ZEB1: variants seen among roughly 807,000 people sequenced by gnomAD.
The protein encoded by ZEB1 is zinc finger E-box binding homeobox 1.
In ZEB1, 21 loss-of-function variants were observed where a neutral mutation model predicts 84.9. That is an observed-to-expected ratio of 0.25 (90% confidence interval 0.18 to 0.36). The LOEUF is 0.36. Ranked by LOEUF, ZEB1 falls within the 10% of genes least tolerant of loss-of-function variation. ZEB1 has a pLI of 1.00. For synonymous variants in ZEB1, 420 were observed against 471.1 expected (o/e 0.89, Z 1.41); for missense variants, 1,104 against 1,330.2 (o/e 0.83, Z 2.65).
At chr10:31,326,684 T>C (rs1215392753) in intron 1 of ZEB1, among the ~76,000 whole-genome samples, 1 of 152,200 alleles carries the variant, frequency 6.6e-6, no homozygotes, top group African/African-American at 2.4e-5. Context: ...AGCATATTTA[T>C]CTAAGACGGT....
At chr10:31,397,007 TTTA>T (rs1161058902) in intron 1 of ZEB1, among the ~76,000 whole-genome samples, 5 of 150,182 alleles carry the variant, frequency 3.3e-5, no homozygotes, top group East Asian at 3.9e-4. Flanking sequence ...TTTTTTATTT[TTTA>T]TTATTATTAT....
At chr10:31,469,101 A>G (rs916484036) in intron 2 of ZEB1, among the ~76,000 whole-genome samples, 1 of 152,234 alleles carries the variant, frequency 6.6e-6, no homozygotes, top group Admixed American at 6.5e-5. Context: ...AAAATGATAA[A>G]TTTGCTGAAG....
intron 1 of ZEB1, among the ~76,000 whole-genome samples, chr10:31,392,098 C>A (rs536017098): frequency 2.0e-5 from 3 of 152,040 alleles, no homozygotes; most frequent in African/African-American, 4.8e-5. Context: ...CTTGAAAATA[C>A]CAGCCTAAAT....
intron 1 of ZEB1, among the ~76,000 whole-genome samples, chr10:31,433,195 T>G (rs2057928710): frequency 6.6e-6 from 1 of 152,242 alleles, no homozygotes; most frequent in East Asian, 1.9e-4. Flanking sequence ...CATTAGTTAT[T>G]TGGAAGATAT....
At chr10:31,406,404 T>A (rs1386331477) in intron 1 of ZEB1, among the ~76,000 whole-genome samples, 1 of 152,166 alleles carries the variant, frequency 6.6e-6, no homozygotes, top group Non-Finnish European at 1.5e-5. Flanking sequence ...CATGATGATA[T>A]CTCATTGTGG....
At chr10:31,470,207 G>A (rs2063029911) in intron 2 of ZEB1, among the ~76,000 whole-genome samples, 1 of 152,202 alleles carries the variant, frequency 6.6e-6, no homozygotes. Flanking sequence ...AACAAAGCTG[G>A]ACGGAGAACG....
intron 1 of ZEB1, among the ~76,000 whole-genome samples, chr10:31,340,159 A>T (rs1334769138): frequency 6.6e-6 from 1 of 151,760 alleles, no homozygotes; most frequent in Non-Finnish European, 1.5e-5. Context: ...TTCATATTAA[A>T]TTTTTTCTTT....
intron 1 of ZEB1, among the ~76,000 whole-genome samples, chr10:31,380,214 G>GA (rs974539567): frequency 1.3e-5 from 2 of 150,296 alleles, no homozygotes; most frequent in African/African-American, 4.9e-5. Context: ...ATGTGTTAAT[G>GA]AAAAAACTGG....
intron 4 of ZEB1, among the ~76,000 whole-genome samples, chr10:31,509,355 ACTTACT>A (rs2069564357): frequency 6.6e-6 from 1 of 152,078 alleles, no homozygotes; most frequent in Non-Finnish European, 1.5e-5. Flanking sequence ...GGGGTCTCTC[ACTTACT>A]CTTTCCCTGC....
At chr10:31,412,383 ATATCTCCTGATGC>A (rs1433178855) in intron 1 of ZEB1, among the ~76,000 whole-genome samples, 1 of 152,140 alleles carries the variant, frequency 6.6e-6, no homozygotes, top group Non-Finnish European at 1.5e-5. Context: ...TACATTAGGT[ATATCTCCTGATGC>A]TATCCCTCCC....
chr10:31,460,492 CTCTTT>C (rs981390676), intron 1 of ZEB1, among the ~76,000 whole-genome samples: 2 of 151,992 alleles, frequency 1.3e-5, no homozygotes, highest in Non-Finnish European at 2.9e-5. Context: ...GAAAGATGGC[CTCTTT>C]TCTTAAGTTG....
chr10:31,427,798 G>A (rs577539732), intron 1 of ZEB1, among the ~76,000 whole-genome samples: 1 of 150,588 alleles, frequency 6.6e-6, no homozygotes, highest in South Asian at 2.2e-4. Flanking sequence ...GGTGGAGCTT[G>A]CAGTGAGCCG....
Position 31,319,292 on chromosome 10 carries a change from G to C in ZEB1, c.58G>C (p.Val20Leu). The C allele has an allele frequency of 3.7e-6, 6 of 1,607,520 alleles. No homozygotes were observed. Among genetic ancestry groups the C allele is most frequent in the Non-Finnish European group, 5.1e-6 (6 of 1,177,786 alleles). ...RKQANPRRNN[V>L]TNYNTVVETN... ...GCAGGCGAACCCGCGGCGCAATAAC[G>C]GTGAGTGGCGGAGGGGACCGGGGAG... The change falls in exon 1 of 9, where the codon GTT (valine) becomes CTT (leucine). Residue 20 changes from valine (V) to leucine (L), a missense_variant and splice_region_variant. This residue lies in a region of ZEB1 where 162 missense variants were observed against 184.5 expected (regional missense o/e 0.88). Transcript: ENST00000424869.
chr10:31,473,588 T>A (rs903050735), intron 2 of ZEB1, among the ~76,000 whole-genome samples: 3 of 150,544 alleles, frequency 2.0e-5, no homozygotes, highest in Admixed American at 1.3e-4. Context: ...GAACATTCCA[T>A]GCTCATGGCT....
rs759192803 is a variant in ZEB1 at position 31,529,303 on chromosome 10, G to A, written c.*2039G>A. ...TTGATTCATCTTGAGCTGAATTTGG[G>A]TAACACTAAATGTTTTAGACATTCT... On this transcript the variant is annotated 3_prime_UTR_variant, in exon 9 of 9. Transcript: ENST00000424869. 1 of 152,142 alleles carries A rather than the reference G, an allele frequency of 6.6e-6. No homozygotes were observed. The highest frequency in any genetic ancestry group is 2.4e-5 in the African/African-American group (1 of 41,434). The allele number at this position is 152,142 out of a possible 1,614,324, so 9.4% of individuals were successfully genotyped here.
intron 1 of ZEB1, among the ~76,000 whole-genome samples, chr10:31,428,724 T>C (rs2057303774): frequency 6.6e-6 from 1 of 152,234 alleles, no homozygotes; most frequent in Admixed American, 6.5e-5. Context: ...AGTTACTTTA[T>C]GAATCTGGGT....
Position 31,524,091 on chromosome 10 carries a change from G to C in ZEB1, c.2763G>C (p.Leu921Phe). ...TATTCCAAAAGAGTAGTTCATTATTGAGACATAAATATGAACACACAGGTA... is the reference window on the plus strand; with the variant it reads ...TATTCCAAAAGAGTAGTTCATTATTCAGACATAAATATGAACACACAGGTA... ...DKIFQKSSSLLRHKYEHTGKR... is the reference protein window; with the variant it reads ...DKIFQKSSSLFRHKYEHTGKR... The change falls in exon 8 of 9, where the codon TTG becomes TTC. Residue 921 changes from leucine to phenylalanine, a missense_variant. Around this residue, in one of 7 missense-constraint regions of ZEB1, gnomAD observed 53 missense variants for 92.5 expected, o/e 0.57. Coordinates refer to ENST00000424869, the MANE Select transcript of ZEB1 (RefSeq NM_001174096.2). The C allele has an allele frequency of 6.2e-7, 1 of 1,613,674 alleles. No homozygotes were observed. The highest frequency in any genetic ancestry group is 8.5e-7 in the Non-Finnish European group (1 of 1,179,850).
At chr10:31,430,525 T>C (rs2057587933) in intron 1 of ZEB1, among the ~76,000 whole-genome samples, 1 of 152,206 alleles carries the variant, frequency 6.6e-6, no homozygotes, top group Non-Finnish European at 1.5e-5. Flanking sequence ...AATAGTTACT[T>C]AGTAATATGG....
chr10:31,457,986 A>G (rs2061429599), intron 1 of ZEB1, among the ~76,000 whole-genome samples: 1 of 152,154 alleles, frequency 6.6e-6, no homozygotes, highest in African/African-American at 2.4e-5. Context: ...GCATCAGCAT[A>G]AAACCATGGC....
Sources: allele counts gnomAD v4.1 joint callset (sites outside exome capture counted in the v4.1 genomes callset), GRCh38; gene constraint gnomAD v4.1.1; regional missense constraint gnomAD v4.1.1; transcripts MANE v1.5; gene names NCBI Gene and HGNC (gene_info 2026-07-23, HGNC 2026-07-21).